PCNX2: variants seen among roughly 807,000 people sequenced by gnomAD.
The protein encoded by PCNX2 is pecanex 2, also known as pecanex-like protein 2.
A neutral mutation model predicts 223.8 loss-of-function variants in PCNX2; 168 were observed. The ratio of observed to expected loss-of-function variants is 0.75; its 90% CI spans 0.66 to 0.85. PCNX2 has a LOEUF of 0.85. Ranked by LOEUF, PCNX2 falls within the 40% of genes least tolerant of loss-of-function variation. The pLI is 0.00. For synonymous variants in PCNX2, 1,006 were observed against 1,052.6 expected (o/e 0.96, Z 0.86); for missense variants, 2,507 against 2,675.5 (o/e 0.94, Z 1.39).
chr1:233,107,699 TG>T (rs1235290936), intron 21 of PCNX2, among the ~76,000 whole-genome samples: 6 of 149,712 alleles, frequency 4.0e-5, no homozygotes. Flanking sequence ...TTTAAATACA[TG>T]ACTTTTCTAA....
At chr1:233,235,957 A>AAAATATATATATATATATATATAT (rs369886650) in intron 9 of PCNX2, among the ~76,000 whole-genome samples, 14 of 93,092 alleles carry the variant, frequency 1.5e-4, no homozygotes, top group South Asian at 3.5e-4. Flanking sequence ...CATAAAAAAA[A>AAAATATATATATATATATATATAT]ATATATATAT....
At chr1:233,321,051 C>T in the PCNX2 span, among the ~76,000 whole-genome samples, 3 of 113,318 alleles carry the variant, frequency 2.6e-5, no homozygotes, top group Admixed American at 1.3e-4. Flanking sequence ...GATGGAGTCT[C>T]GCTCTGTCGC....
intron 25 of PCNX2, among the ~76,000 whole-genome samples, chr1:233,027,143 AAG>A (rs993253991): frequency 1.3e-5 from 2 of 152,220 alleles, no homozygotes; most frequent in Non-Finnish European, 2.9e-5. Context: ...CAAGTGAAAA[AAG>A]AGTTTAAAGG....
chr1:233,269,205 A>C (rs964721060), intron 1 of PCNX2, among the ~76,000 whole-genome samples: 4 of 152,228 alleles, frequency 2.6e-5, no homozygotes, highest in Admixed American at 2.0e-4. Context: ...CTATGAATAA[A>C]GTTCTTGAAC....
At chr1:233,196,468 C>T (rs1680742671) in intron 15 of PCNX2, among the ~76,000 whole-genome samples, 2 of 151,810 alleles carry the variant, frequency 1.3e-5, no homozygotes, top group Non-Finnish European at 2.9e-5. Context: ...TAGCATATAT[C>T]TGTTAAAGGA....
chr1:233,126,602 G>A lies in PCNX2; in HGVS notation c.3837+8411C>T, dbSNP rs1003140857. ...CTTACAATAGTTATCCATAGGAAGA[G>A]GTTAGGGTTAAGCAGACAGAGATAT... On this transcript the variant is annotated intron_variant, in intron 21 of 33. Coordinates refer to ENST00000258229, the MANE Select transcript of PCNX2 (RefSeq NM_014801.4). The surrounding 1 kb of genome is among the most constrained non-coding windows in gnomAD (Gnocchi z 4.8). Among the ~76,000 whole-genome samples, 1 of 152,000 alleles carries A rather than the reference G, an allele frequency of 6.6e-6. No individual in the cohort carries two copies. Among genetic ancestry groups the A allele is most frequent in the African/African-American group, 2.4e-5 (1 of 41,382 alleles).
At chr1:233,170,993 A>G (rs1310827930) in intron 17 of PCNX2, among the ~76,000 whole-genome samples, 1 of 152,198 alleles carries the variant, frequency 6.6e-6, no homozygotes, top group Non-Finnish European at 1.5e-5. Flanking sequence ...GGTGCTCAAA[A>G]TGTTTTGGAT....
rs1157022952 is a variant in PCNX2 at position 232,999,257 on chromosome 1, A to T, written c.5451T>A (p.Ile1817=). The T allele has an allele frequency of 3.7e-6, 6 of 1,613,532 alleles. 1 individual carries two copies. The South Asian group carries it at 6.6e-5, about 18-fold the overall frequency. ...CCAGGGGCTGATCGCAGGAGGAGTT[A>T]ATCAAGTTCCGCAGGACCTGCTTAT... ...QNNKQVLRNL[I]NSSCDQPLGY... is the part of the protein sequence containing the mutation. The change falls in exon 31 of 34, where the codon ATT becomes ATA. Residue 1817 remains isoleucine, a synonymous_variant. Coordinates refer to ENST00000258229, the MANE Select transcript of PCNX2 (RefSeq NM_014801.4).
chr1:233,184,857 A>C (rs1680001236), intron 15 of PCNX2, among the ~76,000 whole-genome samples: 1 of 152,034 alleles, frequency 6.6e-6, no homozygotes, highest in Non-Finnish European at 1.5e-5. Flanking sequence ...GGTGGGATAC[A>C]AGGTGTTAAG....
intron 23 of PCNX2, among the ~76,000 whole-genome samples, chr1:233,062,486 T>C (rs1034322541): frequency 3.3e-5 from 5 of 152,222 alleles, no homozygotes; most frequent in African/African-American, 1.2e-4. Flanking sequence ...TGCATTGATA[T>C]TCATAGCTTA....
At chr1:233,300,585 G>A (rs1433674228), upstream of PCNX2, among the ~76,000 whole-genome samples, 1 of 152,224 alleles carries the variant, frequency 6.6e-6, no homozygotes, top group Non-Finnish European at 1.5e-5. Context: ...TTGGAGTAGA[G>A]TAAGGTAGCT....
chr1:232,984,726 A>G (rs979010553), intron 33 of PCNX2: 1 of 446,622 alleles, frequency 2.2e-6, no homozygotes, highest in Non-Finnish European at 4.0e-6. Flanking sequence ...ACTGCGCTGG[A>G]AAGAGCGGCC....
At chr1:233,206,502 C>T (rs1681473106) in intron 13 of PCNX2, among the ~76,000 whole-genome samples, 1 of 151,856 alleles carries the variant, frequency 6.6e-6, no homozygotes. Context: ...ATAAGAATGA[C>T]AGAAGGCCTT....
At chr1:233,112,959 G>T in intron 21 of PCNX2, 1 of 1,289,326 alleles carries the variant, frequency 7.8e-7, no homozygotes. Flanking sequence ...TTGTGTGTGG[G>T]TGCCGTCCTA....
intron 19 of PCNX2, among the ~76,000 whole-genome samples, chr1:233,147,019 G>A (rs377655778): frequency 2.0e-5 from 3 of 152,302 alleles, no homozygotes; most frequent in East Asian, 3.9e-4. Context: ...AGACAGCACT[G>A]ATAAGCTCTG....
At chr1:233,310,493 C>T in the PCNX2 span, among the ~76,000 whole-genome samples, 1 of 152,276 alleles carries the variant, frequency 6.6e-6, no homozygotes, top group South Asian at 2.1e-4. Context: ...ACCACATTTC[C>T]CAGAACATCT....
intron 5 of PCNX2, among the ~76,000 whole-genome samples, chr1:233,256,211 C>G (rs1484913224): frequency 3.9e-5 from 6 of 152,044 alleles, no homozygotes; most frequent in Non-Finnish European, 8.8e-5. Context: ...CTCAAGTAGG[C>G]AAACCAAATA....
chr1:232,999,710 A>T (rs1670011888), intron 30 of PCNX2: 1 of 255,010 alleles, frequency 3.9e-6, no homozygotes, highest in African/African-American at 2.3e-5. Flanking sequence ...CGCCTCGGCC[A>T]ATCTATTGGT....
chr1:233,274,512 T>C (rs1288706202), intron 1 of PCNX2, among the ~76,000 whole-genome samples: 1 of 152,208 alleles, frequency 6.6e-6, no homozygotes, highest in Non-Finnish European at 1.5e-5. Context: ...ACATAGTCCC[T>C]ATACATACCA....
Sources: gnomAD v4.1 joint callset for allele counts (sites outside exome capture counted in the v4.1 genomes callset) on GRCh38, gnomAD v4.1.1 for gene constraint, Gnocchi (gnomAD v3.1) non-coding constraint, MANE v1.5 for transcripts, NCBI Gene and HGNC (gene_info 2026-07-23, HGNC 2026-07-21) for gene names.